The following LRMDA variants were observed in gnomAD, a reference collection of about 807,000 sequenced individuals.
LRMDA encodes the protein leucine rich melanocyte differentiation associated.
Under a neutral mutation model 29.8 loss-of-function variants are expected in LRMDA, and 18 were observed. The ratio of observed to expected loss-of-function variants is 0.60; its 90% CI spans 0.42 to 0.90. The LOEUF (loss-of-function observed/expected upper bound fraction) is 0.90. Among genes scored for constraint, LRMDA ranks in the 40% least tolerant of loss-of-function variants. The probability of loss-of-function intolerance (pLI) is 0.00; values close to 1 mark genes in which losing one functional copy is unlikely to be tolerated. For missense variants in LRMDA, 273 were observed against 273.9 expected, an observed-to-expected ratio of 1.00 and a Z score of 0.02; for synonymous variants, 125 against 109.4, an observed-to-expected ratio of 1.14 and a Z score of -0.89.
chr10:75,927,919 G>A (rs1388557011), intron 2 of LRMDA, among the ~76,000 whole-genome samples: 1 of 152,146 alleles, frequency 6.6e-6, no homozygotes, highest in Non-Finnish European at 1.5e-5. Context: ...GTCCTCATTG[G>A]TGGAACAGTA....
At chr10:76,388,731 G>T (rs1196915293) in intron 6 of LRMDA, among the ~76,000 whole-genome samples, 1 of 152,228 alleles carries the variant, frequency 6.6e-6, no homozygotes, top group Admixed American at 6.5e-5. Context: ...AATGGAATTG[G>T]AGATATTGTA....
At chr10:76,382,035 G>A (rs148683319) in intron 6 of LRMDA, among the ~76,000 whole-genome samples, 167 of 152,262 alleles carry the variant, frequency 1.1e-3, no homozygotes, top group African/African-American at 3.9e-3. Flanking sequence ...TTAACAGCAC[G>A]TGAAAGCACA....
intron 2 of LRMDA, among the ~76,000 whole-genome samples, chr10:75,611,802 C>T (rs1841035770): frequency 6.6e-6 from 1 of 152,212 alleles, no homozygotes; most frequent in Non-Finnish European, 1.5e-5. Context: ...TCAGTCTCCA[C>T]CTGTCCTTTT....
intron 6 of LRMDA, among the ~76,000 whole-genome samples, chr10:76,534,104 G>A (rs934525029): frequency 3.3e-5 from 5 of 152,196 alleles, no homozygotes; most frequent in African/African-American, 1.2e-4. Context: ...TTGGTACATA[G>A]TTGGCCCATA....
chr10:76,144,144 C>T (rs1289048448), intron 5 of LRMDA, among the ~76,000 whole-genome samples: 1 of 152,126 alleles, frequency 6.6e-6, no homozygotes, highest in Non-Finnish European at 1.5e-5. Context: ...CAGCTTTGTT[C>T]TTTTGGCTTA....
intron 5 of LRMDA, among the ~76,000 whole-genome samples, chr10:76,239,557 T>A (rs1013830558): frequency 6.6e-6 from 1 of 152,034 alleles, no homozygotes; most frequent in Non-Finnish European, 1.5e-5. Flanking sequence ...TCCTTTTTCA[T>A]CTTCTCTTTG....
At chr10:76,152,998 G>C (rs985358073) in intron 5 of LRMDA, among the ~76,000 whole-genome samples, 1 of 151,932 alleles carries the variant, frequency 6.6e-6, no homozygotes, top group Non-Finnish European at 1.5e-5. Context: ...CCGCCACCAC[G>C]TCCAGCTAAT....
At chr10:75,595,321 A>G (rs1419152392) in intron 2 of LRMDA, among the ~76,000 whole-genome samples, 1 of 152,110 alleles carries the variant, frequency 6.6e-6, no homozygotes, top group Non-Finnish European at 1.5e-5. Flanking sequence ...TGAGAAGGAT[A>G]ATAACAAGAA....
chr10:76,405,506 G>A (rs953925044), intron 6 of LRMDA, among the ~76,000 whole-genome samples: 3 of 152,138 alleles, frequency 2.0e-5, no homozygotes, highest in African/African-American at 7.2e-5. Flanking sequence ...CAGGGTAAAG[G>A]ACCAGACTTG....
intron 6 of LRMDA, among the ~76,000 whole-genome samples, chr10:76,523,130 A>G (rs113233478): frequency 6.7e-6 from 1 of 149,300 alleles, no homozygotes; most frequent in South Asian, 2.1e-4. Context: ...TCTGCTTGCT[A>G]TTGCAGTTAT....
At position 75,585,640 on chromosome 10, in the gene LRMDA, C is replaced by CTATT. The variant is rs571726204; in HGVS notation, c.131+147162_131+147165dup. On this transcript the variant is annotated intron_variant, in intron 2 of 6. Transcript: ENST00000611255. Reference sequence around the variant, plus strand: ...TTCTACTTATGTCATACACTTGGCACTATTTATTTATTTATTTATACATTT... The same window carrying CTATT: ...TTCTACTTATGTCATACACTTGGCACTATTTATTTATTTATTTATTTATACATTT... Among the ~76,000 whole-genome samples the CTATT allele has an allele frequency of 2.9e-4, 44 of 152,252 alleles. 1 individual carries two copies. The highest frequency in any genetic ancestry group is 9.6e-4 in the East Asian group (5 of 5,184).
intron 2 of LRMDA, among the ~76,000 whole-genome samples, chr10:75,535,176 C>G (rs1000134003): frequency 3.3e-5 from 5 of 151,864 alleles, no homozygotes; most frequent in Admixed American, 3.3e-4. Context: ...TTTCTTTAGC[C>G]TGTTTTTCAG....
At chr10:75,691,896 A>G (rs1842163591) in intron 2 of LRMDA, among the ~76,000 whole-genome samples, 1 of 152,040 alleles carries the variant, frequency 6.6e-6, no homozygotes, top group African/African-American at 2.4e-5. Context: ...CAGCAATTGT[A>G]TTTTGCAGAC....
At chr10:75,593,888 C>T (rs186753198) in intron 2 of LRMDA, among the ~76,000 whole-genome samples, 1 of 152,340 alleles carries the variant, frequency 6.6e-6, no homozygotes, top group Non-Finnish European at 1.5e-5. Context: ...CTTCCAGCCC[C>T]AGACCCTTGA....
Position 76,007,019 on chromosome 10 carries a change from T to C in LRMDA, c.132-28989T>C, listed in dbSNP as rs1378321350. On this transcript the variant is annotated intron_variant, in intron 2 of 6. Transcript: ENST00000611255. ...GTGTGTGTGTGTGTGTGTGTGTGTG[T>C]GTGTGTGTGTGTGCGCGTGTGTGTT... is the stretch of plus-strand genomic sequence containing the variant. 4.6e-4 allele frequency among the ~76,000 whole-genome samples: 60 copies of C among 130,060 alleles called. 2 individuals carry two copies. In the East Asian group the frequency reaches 7.2e-3, roughly 16 times the overall value. 85.3% of individuals were successfully genotyped at this position (130,060 alleles called of 152,430 possible).
At chr10:76,400,259 T>G (rs1841834601) in intron 6 of LRMDA, among the ~76,000 whole-genome samples, 1 of 152,198 alleles carries the variant, frequency 6.6e-6, no homozygotes, top group Non-Finnish European at 1.5e-5. Context: ...AACAATCTTT[T>G]GAGCTTGGAA....
chr10:75,794,707 T>C (rs1843622988), intron 2 of LRMDA, among the ~76,000 whole-genome samples: 1 of 152,220 alleles, frequency 6.6e-6, no homozygotes, highest in Non-Finnish European at 1.5e-5. Flanking sequence ...TGAATGTATT[T>C]TCATGAGTTT....
chr10:76,279,928 C>T (rs955816734), intron 5 of LRMDA, among the ~76,000 whole-genome samples: 1 of 152,146 alleles, frequency 6.6e-6, no homozygotes, highest in Non-Finnish European at 1.5e-5. Flanking sequence ...TCCCATAACT[C>T]ATAAAGGGTT....
intron 5 of LRMDA, among the ~76,000 whole-genome samples, chr10:76,213,779 A>C (rs1281107029): frequency 6.6e-6 from 1 of 152,228 alleles, no homozygotes; most frequent in Non-Finnish European, 1.5e-5. Context: ...TTGTCCTTTA[A>C]AATTTGAAAC....
Sources: gnomAD v4.1 joint callset for allele counts (sites outside exome capture counted in the v4.1 genomes callset) on GRCh38, gnomAD v4.1.1 for gene constraint, MANE v1.5 for transcripts, NCBI Gene and HGNC (gene_info 2026-07-23, HGNC 2026-07-21) for gene names.